ZC3H12C: variants seen among roughly 807,000 people sequenced by gnomAD.
ZC3H12C encodes the protein zinc finger CCCH-type containing 12C.
In ZC3H12C, 20 loss-of-function variants were observed where a neutral mutation model predicts 76.3. That is an observed-to-expected ratio of 0.26 (90% CI 0.18 to 0.38). The LOEUF is 0.38. ZC3H12C is among the 10% of genes least tolerant of loss of function. ZC3H12C has a pLI of 1.00. For synonymous variants in ZC3H12C, 352 were observed against 399.6 expected, an observed-to-expected ratio of 0.88 and a Z score of 1.42; for missense variants, 874 against 1,086.5, an observed-to-expected ratio of 0.80 and a Z score of 2.75.
chr11:110,114,879 A>G (rs1339743117), intron 1 of ZC3H12C, among the ~76,000 whole-genome samples: 1 of 152,170 alleles, frequency 6.6e-6, no homozygotes. Flanking sequence ...ACTTTTCAAT[A>G]ATTTATAGAT....
At chr11:110,125,304 TG>T (rs1296765049) in intron 1 of ZC3H12C, among the ~76,000 whole-genome samples, 9 of 146,336 alleles carry the variant, frequency 6.2e-5, no homozygotes, top group African/African-American at 1.7e-4. Context: ...TGTGTGTGTG[TG>T]TGTGTGTGTG....
intron 1 of ZC3H12C, 198 bp from the exon 2 acceptor site, chr11:110,136,465 T>C (rs1313894141): frequency 1.7e-6 from 1 of 577,566 alleles, no homozygotes. Flanking sequence ...AGGAATTACA[T>C]GGCCTTTCTA....
rs995958142 is a variant in ZC3H12C, at chr11:110,153,942, T to C, written c.913+884T>C. Among the ~76,000 whole-genome samples the C allele has an allele frequency of 1.3e-3, 200 of 152,238 alleles. 1 individual carries two copies. Among genetic ancestry groups the C allele is most frequent in the Non-Finnish European group, 2.0e-3 (139 of 68,040 alleles). On this transcript the variant is annotated intron_variant, in intron 3 of 5. Transcript: ENST00000278590. ...CAATTACAGTGATTTACAATCAACA[T>C]CCAACCTTTCTTGTCCTTCTCTCTG...
At chr11:110,103,314 T>C (rs1049187480) in intron 1 of ZC3H12C, among the ~76,000 whole-genome samples, 2 of 152,212 alleles carry the variant, frequency 1.3e-5, no homozygotes, top group African/African-American at 4.8e-5. Context: ...AAGGTAGTCT[T>C]TAAAGTTTTC....
chr11:110,165,873 C>G lies in ZC3H12C; in HGVS notation c.*136C>G, dbSNP rs1862575582. The G allele has an allele frequency of 2.4e-6, 2 of 842,988 alleles. No individual in the cohort carries two copies. Among genetic ancestry groups the G allele is most frequent in the Admixed American group, 2.9e-5 (1 of 34,774 alleles). The allele number at this position is 842,988 out of a possible 1,614,324, so 52.2% of individuals were successfully genotyped here. ...TATCCATTTATGTGAAATACTGTAT[C>G]ATGGAATCTGTATGTATAGCCCCAC... On this transcript the variant is annotated 3_prime_UTR_variant, in exon 6 of 6. Coordinates refer to ENST00000278590, the MANE Select transcript of ZC3H12C (RefSeq NM_033390.2).
Position 110,136,697 on chromosome 11 carries a change from A to G in ZC3H12C, c.56A>G (p.Lys19Arg), listed in dbSNP as rs1488492244. ...YGVLCIQEYRKNSKVESSTRN... is the reference protein window; with the variant it reads ...YGVLCIQEYRRNSKVESSTRN... Reference sequence around the variant, plus strand: ...GTGCTTTGCATTCAGGAATACAGAAAAAACAGCAAAGTGGAGTCAAGTACA... The same window carrying G: ...GTGCTTTGCATTCAGGAATACAGAAGAAACAGCAAAGTGGAGTCAAGTACA... Residue 19 changes from lysine (K) to arginine (R), a missense_variant, in exon 2 of 6, where the codon AAA becomes AGA. Lys to Arg is a conservative substitution (Grantham distance 26). Around this residue, in one of 3 missense-constraint regions of ZC3H12C, gnomAD observed 210 missense variants for 227.1 expected, o/e 0.92. Transcript: ENST00000278590. 1.9e-6 allele frequency: 3 copies of G among 1,613,812 alleles called. No homozygotes were observed. Among genetic ancestry groups the G allele is most frequent in the Non-Finnish European group, 2.5e-6 (3 of 1,179,848 alleles).
chr11:110,101,175 C>A (rs1262480228), intron 1 of ZC3H12C, among the ~76,000 whole-genome samples: 1 of 152,148 alleles, frequency 6.6e-6, no homozygotes, highest in African/African-American at 2.4e-5. Context: ...GGCATTAACT[C>A]TCCCTAGTTC....
At position 110,167,680 on chromosome 11, in the gene ZC3H12C, G is replaced by A. The variant is rs948666299; in HGVS notation, c.*1943G>A. On this transcript the variant is annotated 3_prime_UTR_variant, in exon 6 of 6. Coordinates refer to ENST00000278590, the MANE Select transcript of ZC3H12C (RefSeq NM_033390.2). ...AGTAAATGCTTCTAAAAGGCATTGT[G>A]CATATTGACATAACCAATAATCTGA... The A allele has an allele frequency of 2.6e-5, 4 of 152,158 alleles. No individual in the cohort carries two copies. Among genetic ancestry groups the A allele is most frequent in the Non-Finnish European group, 5.9e-5 (4 of 68,012 alleles). 9.4% of individuals were successfully genotyped at this position (152,158 alleles called of 1,614,324 possible).
At chr11:110,107,473 C>T (rs2134150161) in intron 1 of ZC3H12C, among the ~76,000 whole-genome samples, 1 of 152,190 alleles carries the variant, frequency 6.6e-6, no homozygotes, top group African/African-American at 2.4e-5. Context: ...GCTCTGTCTC[C>T]CAAATAGCTG....
chr11:110,162,414 T>A (rs1862497277), intron 4 of ZC3H12C, among the ~76,000 whole-genome samples: 1 of 152,232 alleles, frequency 6.6e-6, no homozygotes, highest in Admixed American at 6.5e-5. Context: ...TACTCAGCCA[T>A]GTTGACACTC....
rs1479659261 is a variant in ZC3H12C, at chr11:110,166,332, G to T, written c.*595G>T. On this transcript the variant is annotated 3_prime_UTR_variant, in exon 6 of 6. Transcript: ENST00000278590. ...GAATGTAAGTTACCAGTTTTATGTT[G>T]AAATGTGTTACAGTATATATATATT... The T allele has an allele frequency of 6.6e-6, 1 of 152,216 alleles. No individual in the cohort carries two copies. Among genetic ancestry groups the T allele is most frequent in the Non-Finnish European group, 1.5e-5 (1 of 68,158 alleles). The allele number at this position is 152,216 out of a possible 1,614,324, so 9.4% of individuals were successfully genotyped here.
In ZC3H12C at chr11:110,165,787, G is replaced by A; in HGVS notation, c.*50G>A. 6.7e-7 allele frequency: 1 copy of A among 1,494,884 alleles called. No homozygotes were observed. Among genetic ancestry groups the A allele is most frequent in the Non-Finnish European group, 9.0e-7 (1 of 1,116,394 alleles). 92.6% of individuals were successfully genotyped at this position (1,494,884 alleles called of 1,614,324 possible). On this transcript the variant is annotated 3_prime_UTR_variant, in exon 6 of 6. Coordinates refer to ENST00000278590, the MANE Select transcript of ZC3H12C (RefSeq NM_033390.2). The stretch of plus-strand genomic sequence containing the variant: ...TAGTAGTTTTTTGTTCAGCTCAAAT[G>A]CTGAGGGAGGTTTGCTACAATAGCA...
chr11:110,163,216 A>T, intron 4 of ZC3H12C, 57 bp from the exon 5 acceptor site: 1 of 1,435,700 alleles, frequency 7.0e-7, no homozygotes, highest in South Asian at 1.3e-5. Context: ...TACTCTTTTT[A>T]GAATTAAATT....
chr11:110,105,772 A>G (rs1861312026), intron 1 of ZC3H12C, among the ~76,000 whole-genome samples: 1 of 152,148 alleles, frequency 6.6e-6, no homozygotes, highest in South Asian at 2.1e-4. Flanking sequence ...CTGTGTCATA[A>G]ACATCCTTTT....
intron 1 of ZC3H12C, among the ~76,000 whole-genome samples, chr11:110,103,604 T>G (rs564988771): frequency 8.0e-4 from 47 of 58,562 alleles, no homozygotes; most frequent in Middle Eastern, 6.9e-3. Context: ...AGTTATTGAG[T>G]TTTTTTTTGT....
intron 2 of ZC3H12C, among the ~76,000 whole-genome samples, chr11:110,137,637 G>A (rs1308384702): frequency 3.9e-5 from 6 of 152,042 alleles, no homozygotes; most frequent in African/African-American, 1.2e-4. Context: ...TCTCAGATAT[G>A]TCTCTTTTTG....
chr11:110,131,140 T>C (rs961028163), intron 1 of ZC3H12C: 3 of 1,458,488 alleles, frequency 2.1e-6, no homozygotes, highest in Non-Finnish European at 2.8e-6. Context: ...GCCTTGGAAG[T>C]TAAACTTTGC....
intron 2 of ZC3H12C, among the ~76,000 whole-genome samples, chr11:110,145,013 A>C (rs1862137186): frequency 6.6e-6 from 1 of 152,200 alleles, no homozygotes; most frequent in Non-Finnish European, 1.5e-5. Flanking sequence ...GGCAGATCTA[A>C]AAGTGGTTGT....
intron 3 of ZC3H12C, among the ~76,000 whole-genome samples, chr11:110,156,890 T>A (rs1178572255): frequency 1.3e-5 from 2 of 152,112 alleles, no homozygotes; most frequent in Admixed American, 6.6e-5. Flanking sequence ...CTAAAAGAGA[T>A]CAACAGTAGG....
Sources: allele counts gnomAD v4.1 joint callset (sites outside exome capture counted in the v4.1 genomes callset), GRCh38; gene constraint gnomAD v4.1.1; regional missense constraint gnomAD v4.1.1; transcripts MANE v1.5; gene names NCBI Gene and HGNC (gene_info 2026-07-23, HGNC 2026-07-21).